ART3: variants seen among roughly 807,000 people sequenced by gnomAD.
ART3 encodes ADP-ribosyltransferase 3 (inactive).
In ART3, 49 loss-of-function variants were observed where a neutral mutation model predicts 48.5. The observed-to-expected ratio is 1.01, with a 90% confidence interval of 0.80 to 1.28. ART3 has a LOEUF of 1.28. Among genes scored for constraint, ART3 ranks in the 50% most tolerant of loss-of-function variants. The pLI, the probability that ART3 is intolerant of heterozygous loss-of-function variation, is 0.00. For missense variants in ART3, 438 were observed against 454.3 expected (o/e 0.96, Z 0.33); for synonymous variants, 145 against 157.2 (o/e 0.92, Z 0.58).
At chr4:76,073,605 C>T (rs1274795651), upstream of ART3, among the ~76,000 whole-genome samples, 4 of 152,234 alleles carry the variant, frequency 2.6e-5, no homozygotes, top group Middle Eastern at 6.8e-3. Context: ...GTATATAGCT[C>T]ACTGAATTTT....
chr4:76,027,121 T>G (rs1217232943), intron 1 of ART3, among the ~76,000 whole-genome samples: 1 of 151,998 alleles, frequency 6.6e-6, no homozygotes, highest in African/African-American at 2.4e-5. Flanking sequence ...GGCGTGGTGG[T>G]GGGCGACTGT....
intron 1 of ART3, chr4:76,022,580 G>T: frequency 6.7e-7 from 1 of 1,482,724 alleles, no homozygotes; most frequent in Non-Finnish European, 9.2e-7. Flanking sequence ...CTGTACATTA[G>T]TTTTAGAATC....
rs186320331 is a variant in ART3 at position 76,067,870 on chromosome 4, C to T, written c.-9-8011C>T. Among the ~76,000 whole-genome samples the T allele has an allele frequency of 3.9e-5, 6 of 152,270 alleles. No homozygotes were observed. In the East Asian group the frequency reaches 9.7e-4, roughly 24 times the overall value. On this transcript the variant is annotated intron_variant, in intron 1 of 9. Coordinates refer to the ART3 transcript ENST00000341029. ...ACCTCTAGCGGTCATTGGCCTTCCCCGAGGTATCTGATCCTGCTTGGTCTT... is the reference window on the plus strand; with the variant it reads ...ACCTCTAGCGGTCATTGGCCTTCCCTGAGGTATCTGATCCTGCTTGGTCTT...
intron 1 of ART3, among the ~76,000 whole-genome samples, chr4:76,025,914 G>A (rs1733336115): frequency 6.6e-6 from 1 of 152,164 alleles, no homozygotes; most frequent in Admixed American, 6.5e-5. Flanking sequence ...ATATGTAGCA[G>A]TGGAACATGA....
chr4:76,097,412 G>A (rs575998178), intron 3 of ART3, among the ~76,000 whole-genome samples: 1 of 151,990 alleles, frequency 6.6e-6, no homozygotes, highest in Non-Finnish European at 1.5e-5. Flanking sequence ...TCCCTATGTT[G>A]CCCAGGCTGG....
At chr4:76,033,076 T>C (rs766870230) in intron 1 of ART3, among the ~76,000 whole-genome samples, 5 of 152,178 alleles carry the variant, frequency 3.3e-5, no homozygotes, top group Non-Finnish European at 5.9e-5. Context: ...TATGGGTGCC[T>C]ATATAGAGAG....
chr4:76,033,001 TATA>T (rs1342147391), intron 1 of ART3, among the ~76,000 whole-genome samples: 1 of 151,984 alleles, frequency 6.6e-6, no homozygotes, highest in African/African-American at 2.4e-5. Context: ...CTATAACCTA[TATA>T]ATAATGCAAT....
chr4:76,042,125 TAAA>T (rs1214496877), intron 1 of ART3, among the ~76,000 whole-genome samples: 1 of 152,186 alleles, frequency 6.6e-6, no homozygotes, highest in Non-Finnish European at 1.5e-5. Flanking sequence ...CTTTTCAGCT[TAAA>T]AAATCTGTAA....
At position 76,022,327 on chromosome 4, in the gene ART3, C is replaced by G. The variant is rs759597737; in HGVS notation, c.-10+11007C>G. The G allele has an allele frequency of 2.6e-6, 4 of 1,539,538 alleles. 1 individual carries two copies. In the South Asian group the frequency reaches 4.5e-5, roughly 17 times the overall value. On this transcript the variant is annotated intron_variant, in intron 1 of 9. Coordinates refer to the ART3 transcript ENST00000341029. ...TTTCTGACTCCCAAGATTGCCGTTT[C>G]CTAAAGAGCAATTCTTCTGCAGGCA... is the stretch of plus-strand genomic sequence containing the variant.
At chr4:76,035,192 A>G in intron 1 of ART3, 1 of 1,614,040 alleles carries the variant, frequency 6.2e-7, no homozygotes, top group South Asian at 1.1e-5. Flanking sequence ...CACCATTGTC[A>G]TCTTCAGCAA....
rs868362982 is a variant in ART3 at position 76,045,126 on chromosome 4, G to A, written c.-9-30755G>A. On this transcript the variant is annotated intron_variant, in intron 1 of 9. Coordinates refer to the ART3 transcript ENST00000341029. ...TCAAGTGTGGTTACATCACTATGGC[G>A]TAACCTGCCCTTCGTATCCCATTCT... Among the ~76,000 whole-genome samples the A allele has an allele frequency of 7.2e-5, 11 of 152,042 alleles. 1 individual carries two copies. The highest frequency in any genetic ancestry group is 2.0e-4 in the Admixed American group (3 of 15,246).
intron 1 of ART3, chr4:76,036,084 G>A (rs1024402096): frequency 6.3e-5 from 72 of 1,139,716 alleles, no homozygotes; most frequent in Non-Finnish European, 8.4e-5. Context: ...AAAGGAAATT[G>A]ATAATTGGCA....
intron 1 of ART3, among the ~76,000 whole-genome samples, chr4:76,038,828 T>A (rs1196968161): frequency 2.0e-5 from 3 of 152,152 alleles, no homozygotes; most frequent in Non-Finnish European, 4.4e-5. Context: ...ATTCAAGTGA[T>A]TCGCCTGCCT....
At chr4:76,031,797 C>G (rs1258195188) in intron 1 of ART3, among the ~76,000 whole-genome samples, 1 of 152,176 alleles carries the variant, frequency 6.6e-6, no homozygotes, top group African/African-American at 2.4e-5. Flanking sequence ...CAGCAGCTTT[C>G]TTTTACACTT....
intron 1 of ART3, among the ~76,000 whole-genome samples, chr4:76,050,255 A>C (rs1181111785): frequency 6.6e-6 from 1 of 152,062 alleles, no homozygotes; most frequent in Admixed American, 6.5e-5. Flanking sequence ...GGCCCCACCC[A>C]CGTCCTGCTA....
At chr4:76,060,465 T>C (rs1719102722) in intron 1 of ART3, among the ~76,000 whole-genome samples, 1 of 152,184 alleles carries the variant, frequency 6.6e-6, no homozygotes, top group African/African-American at 2.4e-5. Context: ...AATGCTAGTG[T>C]TCTCTAGGGT....
Position 76,111,069 on chromosome 4 carries a change from G to A in ART3, c.1037-1317G>A, listed in dbSNP as rs1424322815. ...CATAAAATTAACTATAATACATACT[G>A]TATCATTGTAATCATTTCATGGCCA... On this transcript the variant is annotated intron_variant, in intron 11 of 11. Coordinates refer to ENST00000355810, the MANE Select transcript of ART3 (RefSeq NM_001130016.3). Among the ~76,000 whole-genome samples the A allele has an allele frequency of 4.6e-5, 7 of 152,184 alleles. No individual in the cohort carries two copies. The East Asian group carries it at 1.2e-3, about 25-fold the overall frequency.
Position 76,040,534 on chromosome 4 carries a change from T to A in ART3, c.-10+29214T>A, listed in dbSNP as rs56961181. ...ATATCAGGTTCTCCCCCCCGCCCCC[T>A]CCATGTGTCAGGGACTATATAGATA... On this transcript the variant is annotated intron_variant, in intron 1 of 9. Coordinates refer to the ART3 transcript ENST00000341029. 1.5e-4 allele frequency among the ~76,000 whole-genome samples: 15 copies of A among 97,400 alleles called. 2 individuals carry two copies. The highest frequency in any genetic ancestry group is 4.9e-4 in the African/African-American group (14 of 28,566). 63.9% of individuals were successfully genotyped at this position (97,400 alleles called of 152,430 possible).
chr4:76,024,554 A>G (rs910429295), intron 1 of ART3, among the ~76,000 whole-genome samples: 28 of 152,334 alleles, frequency 1.8e-4, no homozygotes, highest in Non-Finnish European at 3.5e-4. Context: ...AGTAGAAAGC[A>G]CATGATACTC....
Sources: gnomAD v4.1 joint callset for allele counts (sites outside exome capture counted in the v4.1 genomes callset) on GRCh38, gnomAD v4.1.1 for gene constraint, MANE v1.5 for transcripts, NCBI Gene and HGNC (gene_info 2026-07-23, HGNC 2026-07-21) for gene names.